CSMD2: variants seen among roughly 807,000 people sequenced by gnomAD.
CSMD2 encodes the protein CUB and Sushi multiple domains 2, also known as CUB and sushi domain-containing protein 2.
CSMD2 carries 130 observed loss-of-function variants against 398.5 expected under a neutral mutation model. That is an observed-to-expected ratio of 0.33 (90% CI 0.28 to 0.38). The LOEUF is 0.38. Ranked by LOEUF, CSMD2 falls within the 10% of genes least tolerant of loss-of-function variation. CSMD2 has a pLI of 1.00. For missense variants in CSMD2, 3,829 were observed against 4,764.9 expected (o/e 0.80, Z 5.78); for synonymous variants, 1,828 against 1,908.5 (o/e 0.96, Z 1.10).
chr1:33,769,572 G>A (rs899022481), intron 13 of CSMD2, among the ~76,000 whole-genome samples: 7 of 152,154 alleles, frequency 4.6e-5, no homozygotes, highest in Non-Finnish European at 8.8e-5. Context: ...ACTACTGTGA[G>A]GGCAGCTCAA....
intron 3 of CSMD2, among the ~76,000 whole-genome samples, chr1:34,013,807 C>T (rs559382933): frequency 6.6e-6 from 1 of 151,852 alleles, no homozygotes; most frequent in South Asian, 2.1e-4. Flanking sequence ...TCTCATCTGA[C>T]CTCATGGCTT....
chr1:33,877,492 A>G (rs1640920201), intron 5 of CSMD2, among the ~76,000 whole-genome samples: 1 of 152,112 alleles, frequency 6.6e-6, no homozygotes, highest in African/African-American at 2.4e-5. Flanking sequence ...TCTGTTCTTA[A>G]TTATATCTCT....
At chr1:33,691,728 G>A (rs664727) in intron 25 of CSMD2, among the ~76,000 whole-genome samples, 31 of 152,202 alleles carry the variant, frequency 2.0e-4, no homozygotes, top group East Asian at 5.8e-4. Context: ...GTGGACCGAC[G>A]CTGCTCAAGA....
chr1:33,929,109 C>A (rs566701975), intron 4 of CSMD2, among the ~76,000 whole-genome samples: 1 of 152,262 alleles, frequency 6.6e-6, no homozygotes, highest in Admixed American at 6.5e-5. Flanking sequence ...CACCCACCAG[C>A]CCTCCAGGAA....
At chr1:34,111,404 G>C (rs535723965) in intron 1 of CSMD2, among the ~76,000 whole-genome samples, 1 of 152,134 alleles carries the variant, frequency 6.6e-6, no homozygotes, top group African/African-American at 2.4e-5. Context: ...TGAGTTCCTT[G>C]GGGACACAGA....
At chr1:33,872,356 G>A (rs895294546) in intron 5 of CSMD2, among the ~76,000 whole-genome samples, 5 of 152,208 alleles carry the variant, frequency 3.3e-5, no homozygotes, top group Non-Finnish European at 5.9e-5. Flanking sequence ...TTAAGAAATG[G>A]CATTTGAGCA....
At chr1:33,575,612 C>G (rs1390034509) in intron 49 of CSMD2, among the ~76,000 whole-genome samples, 1 of 152,062 alleles carries the variant, frequency 6.6e-6, no homozygotes, top group African/African-American at 2.4e-5. Flanking sequence ...CAACTGAAGT[C>G]TGGTGGAGGC....
intron 4 of CSMD2, among the ~76,000 whole-genome samples, chr1:33,930,983 T>C (rs1035617773): frequency 6.6e-6 from 1 of 152,192 alleles, no homozygotes; most frequent in African/African-American, 2.4e-5. Flanking sequence ...ATTTCCTAGA[T>C]AAAACAGACA....
chr1:33,980,210 C>T (rs1284248197), intron 3 of CSMD2, among the ~76,000 whole-genome samples: 1 of 152,180 alleles, frequency 6.6e-6, no homozygotes, highest in Non-Finnish European at 1.5e-5. Context: ...ACTATCCCAC[C>T]TGGCATGGTC....
chr1:33,539,401 A>G (rs1047138711), intron 60 of CSMD2, among the ~76,000 whole-genome samples: 3 of 152,234 alleles, frequency 2.0e-5, no homozygotes, highest in Non-Finnish European at 4.4e-5. Context: ...AAGCCATTAA[A>G]AATGATGATG....
chr1:34,018,326 A>G (rs1308669851), intron 3 of CSMD2, among the ~76,000 whole-genome samples: 1 of 152,176 alleles, frequency 6.6e-6, no homozygotes, highest in Admixed American at 6.5e-5. Flanking sequence ...CCAATTTTTC[A>G]TCATTATAAA....
intron 9 of CSMD2, among the ~76,000 whole-genome samples, chr1:33,816,804 C>G (rs1179257533): frequency 6.6e-6 from 1 of 152,182 alleles, no homozygotes; most frequent in East Asian, 1.9e-4. Context: ...TCATTTCAAT[C>G]ACTGATTCAT....
chr1:33,540,604 C>A lies in CSMD2; in HGVS notation c.9552G>T (p.Glu3184Asp). The change falls in exon 60 of 71, where the codon GAG (glutamate) becomes GAT (aspartate). Residue 3184 changes from glutamate (E) to aspartate (D), a missense_variant. Around this residue, in one of 5 missense-constraint regions of CSMD2, gnomAD observed 917 missense variants for 1,199.5 expected, o/e 0.76. Coordinates refer to ENST00000373381, the MANE Select transcript of CSMD2 (RefSeq NM_001281956.2). Reference sequence around the variant, plus strand: ...CCGCGGGCAGGGAGAGCTGGTACCCCTCCAGGCAGGCATAAGTCACACTTG... The same window carrying A: ...CCGCGGGCAGGGAGAGCTGGTACCCATCCAGGCAGGCATAAGTCACACTTG... ...WGSSVTYACLEGYQLSLPAVF... is the reference protein window; with the variant it reads ...WGSSVTYACLDGYQLSLPAVF... 1 of 1,614,198 alleles carries A rather than the reference C, an allele frequency of 6.2e-7. No homozygotes were observed. Among genetic ancestry groups the A allele is most frequent in the Non-Finnish European group, 8.5e-7 (1 of 1,180,034 alleles).
At chr1:33,894,448 G>A (rs540275574) in intron 5 of CSMD2, among the ~76,000 whole-genome samples, 1 of 152,138 alleles carries the variant, frequency 6.6e-6, no homozygotes, top group Non-Finnish European at 1.5e-5. Context: ...AACCCCTCAG[G>A]AGCAGCCCTC....
intron 12 of CSMD2, among the ~76,000 whole-genome samples, chr1:33,777,163 A>T (rs1400543655): frequency 6.6e-6 from 1 of 152,090 alleles, no homozygotes; most frequent in Non-Finnish European, 1.5e-5. Context: ...GGTGTGGGGA[A>T]GTGAGCTGCT....
intron 9 of CSMD2, 37 bp downstream of exon 9, chr1:33,819,676 C>G (rs368164563): frequency 3.1e-6 from 5 of 1,604,140 alleles, no homozygotes; most frequent in Non-Finnish European, 4.3e-6. Flanking sequence ...CTCAGCCCAA[C>G]TCTCTGGCCA....
rs1185125046 is a variant in CSMD2, at chr1:33,533,849, G to A, written c.9938C>T (p.Thr3313Ile). The A allele has an allele frequency of 6.2e-7, 1 of 1,614,036 alleles. No homozygotes were observed. The highest frequency in any genetic ancestry group is 1.7e-5 in the Admixed American group (1 of 60,004). ...GGTCAGGTTTGGGAGGCAGGTCCTG[G>A]TGGTGGAGCCCTGAAGCAGGTAGCC... Reference protein sequence around the residue: ...QKGYLLQGSTTRTCLPNLTWS... With the variant: ...QKGYLLQGSTIRTCLPNLTWS... Residue 3313 changes from threonine (T) to isoleucine (I), a missense_variant, in exon 63 of 71, where the codon ACC becomes ATC. Thr to Ile is a moderately conservative substitution (Grantham distance 89, BLOSUM62 -1). Coordinates refer to ENST00000373381, the MANE Select transcript of CSMD2 (RefSeq NM_001281956.2). The surrounding 1 kb of genome is among the most constrained non-coding windows in gnomAD (Gnocchi z 4.2).
intron 3 of CSMD2, among the ~76,000 whole-genome samples, chr1:34,019,176 A>G (rs557894056): frequency 1.3e-5 from 2 of 152,188 alleles, no homozygotes; most frequent in Non-Finnish European, 2.9e-5. Context: ...GGCACCTGGT[A>G]AGAGCCCCAG....
At chr1:33,803,098 C>T (rs1353361137) in intron 10 of CSMD2, among the ~76,000 whole-genome samples, 2 of 152,172 alleles carry the variant, frequency 1.3e-5, no homozygotes, top group Non-Finnish European at 2.9e-5. Context: ...CATTTGTCAT[C>T]GTTGCCATGA....
Sources: gnomAD v4.1 joint callset for allele counts (sites outside exome capture counted in the v4.1 genomes callset) on GRCh38, gnomAD v4.1.1 for gene constraint, gnomAD v4.1.1 regional missense constraint, Gnocchi (gnomAD v3.1) non-coding constraint, MANE v1.5 for transcripts, NCBI Gene and HGNC (gene_info 2026-07-23, HGNC 2026-07-21) for gene names.